Variants in ATR observed in about 807,000 individuals in gnomAD.
ATR encodes serine/threonine-protein kinase ATR.
ATR carries 142 observed loss-of-function variants against 305.3 expected under a neutral mutation model. That is an observed-to-expected ratio of 0.47 (90% CI 0.41 to 0.53). The LOEUF is 0.53. ATR is among the 20% of genes least tolerant of loss of function. The probability of loss-of-function intolerance (pLI) is 0.00; values close to 1 mark genes in which losing one functional copy is unlikely to be tolerated. For synonymous variants in ATR, 1,050 were observed against 1,068.1 expected, an observed-to-expected ratio of 0.98 and a Z score of 0.33; for missense variants, 2,135 against 3,133.1, an observed-to-expected ratio of 0.68 and a Z score of 7.60.
chr3:142,536,206 T>G lies in ATR; in HGVS notation c.3726-5A>C. 1 of 1,537,960 alleles carries G rather than the reference T, an allele frequency of 6.5e-7. No individual in the cohort carries two copies. The highest frequency in any genetic ancestry group is 9.0e-7 in the Non-Finnish European group (1 of 1,112,200). ...AGAAAATCTTGCACAGCATCCCTAA[T>G]AGTTAGTTGGAATAAAAAGAATTAT... On this transcript the variant is annotated splice_region_variant and splice_polypyrimidine_tract_variant and intron_variant, in intron 19 of 46. Coordinates refer to ENST00000350721, the MANE Select transcript of ATR (RefSeq NM_001184.4).
intron 24 of ATR, among the ~76,000 whole-genome samples, chr3:142,516,095 G>T (rs2032848304): frequency 6.6e-6 from 1 of 152,166 alleles, no homozygotes; most frequent in Admixed American, 6.5e-5. Context: ...TAAATTTCCA[G>T]TTTTTTCACC....
intron 41 of ATR, among the ~76,000 whole-genome samples, chr3:142,463,103 G>T (rs912587837): frequency 6.6e-6 from 1 of 152,096 alleles, no homozygotes; most frequent in East Asian, 1.9e-4. Flanking sequence ...CTCATATAAA[G>T]ATCAGTGTGT....
Position 142,508,102 on chromosome 3 carries a change from A to G in ATR, c.4860T>C (p.Thr1620=). 3 of 1,610,898 alleles carry G rather than the reference A, an allele frequency of 1.9e-6. No homozygotes were observed. The highest frequency in any genetic ancestry group is 2.5e-6 in the Non-Finnish European group (3 of 1,178,580). The change falls in exon 28 of 47, where the codon ACT becomes ACC. Residue 1620 remains threonine, a synonymous_variant. Coordinates refer to ENST00000350721, the MANE Select transcript of ATR (RefSeq NM_001184.4). ...CACTCTGATAGTCTTCATAATCCAC[A>G]GTAGATACTAGATCATAAAAAAAGT... is the stretch of plus-strand genomic sequence containing the variant. The part of the protein sequence containing the change: ...NRNKVDSMVS[T]VDYEDYQSVT...
At chr3:142,555,618 GA>G (rs1171637986) in intron 10 of ATR, among the ~76,000 whole-genome samples, 2 of 152,130 alleles carry the variant, frequency 1.3e-5, no homozygotes, top group Non-Finnish European at 2.9e-5. Context: ...TTACAATATT[GA>G]AACAACCATC....
chr3:142,554,448 G>A (rs1382947961), intron 10 of ATR, among the ~76,000 whole-genome samples: 2 of 152,112 alleles, frequency 1.3e-5, no homozygotes, highest in Admixed American at 6.5e-5. Flanking sequence ...GACTGGTCTC[G>A]AACACCTGAG....
At chr3:142,522,987 T>C in intron 22 of ATR, 146 bp from the exon 23 acceptor site, 1 of 698,714 alleles carries the variant, frequency 1.4e-6, no homozygotes, top group Non-Finnish European at 2.5e-6. Context: ...TCAAACTAAG[T>C]TTGGTATCAA....
intron 35 of ATR, among the ~76,000 whole-genome samples, chr3:142,485,797 C>T (rs1200317131): frequency 6.6e-6 from 1 of 152,180 alleles, no homozygotes; most frequent in African/African-American, 2.4e-5. Context: ...ATTGCCCTTT[C>T]TCTCAATTCC....
At position 142,519,824 on chromosome 3, in the gene ATR, G is replaced by A. The variant is rs80040758; in HGVS notation, c.4267-40C>T. ...TTTACATTTGTAAGTCCACAGTGAA[G>A]CAGATAACGCTTTATATTCGTCAAT... On this transcript the variant is annotated intron_variant, in intron 23 of 46. Transcript: ENST00000350721. The A allele has an allele frequency of 4.1e-4, 562 of 1,374,138 alleles. 4 individuals are homozygous for A. In the East Asian group the frequency reaches 0.012, roughly 30 times the overall value. 85.1% of individuals were successfully genotyped at this position (1,374,138 alleles called of 1,614,324 possible).
intron 36 of ATR, among the ~76,000 whole-genome samples, chr3:142,471,209 C>G (rs2071255748): frequency 6.6e-6 from 1 of 152,060 alleles, no homozygotes; most frequent in South Asian, 2.1e-4. Context: ...AGTATTTGTC[C>G]TTTTTGTGAC....
chr3:142,507,331 C>T (rs987634715), intron 28 of ATR, among the ~76,000 whole-genome samples: 2 of 152,110 alleles, frequency 1.3e-5, no homozygotes, highest in African/African-American at 2.4e-5. Context: ...CTGACATAAC[C>T]GGCACTTGCC....
chr3:142,558,585 A>G lies in ATR; in HGVS notation c.1885+39T>C, dbSNP rs73240318. ...AGATAGATAGATAGATAGATAGATA[A>G]ATAAAACAAACCACACACACATTCT... On this transcript the variant is annotated intron_variant, in intron 8 of 46. Transcript: ENST00000350721. The G allele has an allele frequency of 0.097, 134,898 of 1,396,866 alleles. 7,864 individuals are homozygous for G. Among genetic ancestry groups the G allele is most frequent in the Non-Finnish European group, 0.1 (106,050 of 1,015,708 alleles). 86.5% of individuals were successfully genotyped at this position (1,396,866 alleles called of 1,614,324 possible).
intron 1 of ATR, among the ~76,000 whole-genome samples, chr3:142,576,205 G>A (rs1265994940): frequency 6.6e-6 from 1 of 152,152 alleles, no homozygotes; most frequent in Non-Finnish European, 1.5e-5. Flanking sequence ...AAAAACCAAG[G>A]ATGACTCCTA....
intron 42 of ATR, among the ~76,000 whole-genome samples, chr3:142,461,213 C>A (rs1446957133): frequency 6.6e-6 from 1 of 152,056 alleles, no homozygotes; most frequent in African/African-American, 2.4e-5. Context: ...CTTCAAATAA[C>A]CTGTTTCTCA....
chr3:142,524,238 T>C (rs777054157), intron 21 of ATR, 39 bp from the exon 22 acceptor site: 11 of 1,517,942 alleles, frequency 7.2e-6, no homozygotes, highest in Non-Finnish European at 1.0e-5. Context: ...ACGTAATTTC[T>C]ACAAACTAGT....
intron 36 of ATR, among the ~76,000 whole-genome samples, chr3:142,483,529 C>T (rs891455500): frequency 6.6e-6 from 1 of 152,028 alleles, no homozygotes; most frequent in African/African-American, 2.4e-5. Context: ...GAAGGAAGTA[C>T]TCCATTGCAA....
chr3:142,487,288 C>T (rs1190998453), intron 35 of ATR, among the ~76,000 whole-genome samples: 7 of 152,128 alleles, frequency 4.6e-5, no homozygotes, highest in Non-Finnish European at 8.8e-5. Context: ...AGGCATGTAC[C>T]ACCACACCCA....
At chr3:142,483,229 T>C (rs2030655951) in intron 36 of ATR, among the ~76,000 whole-genome samples, 1 of 152,088 alleles carries the variant, frequency 6.6e-6, no homozygotes, top group African/African-American at 2.4e-5. Context: ...TACCTCATAA[T>C]AGGCAATTTT....
intron 36 of ATR, among the ~76,000 whole-genome samples, chr3:142,470,952 G>C (rs2071249205): frequency 6.6e-6 from 1 of 152,056 alleles, no homozygotes; most frequent in Admixed American, 6.6e-5. Context: ...CATAAAATTT[G>C]CCATCACAAC....
chr3:142,535,900 TG>T (rs979060724), intron 20 of ATR, among the ~76,000 whole-genome samples: 14 of 152,212 alleles, frequency 9.2e-5, no homozygotes, highest in Admixed American at 5.9e-4. Context: ...TTCTATCTAA[TG>T]GTGTTACATA....
Sources: allele counts gnomAD v4.1 joint callset (sites outside exome capture counted in the v4.1 genomes callset), GRCh38; gene constraint gnomAD v4.1.1; transcripts MANE v1.5; gene names NCBI Gene and HGNC (gene_info 2026-07-23, HGNC 2026-07-21).